Variants in FRMPD4 observed in about 807,000 individuals in gnomAD.
FRMPD4 encodes FERM and PDZ domain containing 4, also known as FERM and PDZ domain-containing protein 4.
In FRMPD4, 22 loss-of-function variants were observed where a neutral mutation model predicts 94.1. The ratio of observed to expected loss-of-function variants is 0.23; its 90% confidence interval spans 0.17 to 0.33. The LOEUF (loss-of-function observed/expected upper bound fraction) is 0.33. FRMPD4 is among the 10% of genes least tolerant of loss of function. The probability of loss-of-function intolerance (pLI) is 1.00; values close to 1 mark genes in which losing one functional copy is unlikely to be tolerated. For synonymous variants in FRMPD4, 631 were observed against 548.6 expected (o/e 1.15, Z -2.10); for missense variants, 1,111 against 1,339.9 (o/e 0.83, Z 2.67).
intron 1 of FRMPD4, among the ~76,000 whole-genome samples, chrX:11,851,515 C>T (rs1005735282): frequency 9.0e-6 from 1 of 111,415 alleles, no homozygotes; most frequent in Non-Finnish European, 1.9e-5. Context: ...AGAAACAGCA[C>T]CTTTACTAGG....
intron 3 of FRMPD4, among the ~76,000 whole-genome samples, chrX:12,051,744 T>A (rs2054820012): frequency 9.0e-6 from 1 of 110,530 alleles, no homozygotes; most frequent in Non-Finnish European, 1.9e-5. Flanking sequence ...CATCCATCCA[T>A]TCACCCTCCA....
At position 12,614,772 on chromosome X, in the gene FRMPD4, T is replaced by A. The variant is rs747150934; in HGVS notation, c.320-7T>A. 2.0e-6 allele frequency: 2 copies of A among 1,023,950 alleles called. No individual in the cohort carries two copies. Among genetic ancestry groups the A allele is most frequent in the African/African-American group, 1.8e-5 (1 of 54,105 alleles). The allele number at this position is 1,023,950 out of a possible 1,213,427, so 84.4% of individuals were successfully genotyped here. A position where few individuals can be genotyped will look rare whatever the true frequency, so the allele number is the denominator to read the frequency against. ...TCTCACCTGTGCTTCATTCTATTTG[T>A]CTCCAGGTGGCCCCTCTGAAGGCAA... On this transcript the variant is annotated splice_polypyrimidine_tract_variant and splice_region_variant and intron_variant, in intron 3 of 16. Coordinates refer to ENST00000675598, the MANE Select transcript of FRMPD4 (RefSeq NM_001368397.1).
intron 1 of FRMPD4, among the ~76,000 whole-genome samples, chrX:12,197,889 A>G (rs2056584470): frequency 8.9e-6 from 1 of 111,857 alleles, no homozygotes; most frequent in Non-Finnish European, 1.9e-5. Context: ...GTATTGAATA[A>G]CTTTTATAAA....
At chrX:12,156,400 C>T (rs185791614) in intron 1 of FRMPD4, among the ~76,000 whole-genome samples, 1 of 111,559 alleles carries the variant, frequency 9.0e-6, no homozygotes, top group Admixed American at 9.5e-5. Context: ...GGTTAGGCAA[C>T]CAAGAGCGCT....
chrX:12,318,659 G>A (rs1486786509), intron 1 of FRMPD4, among the ~76,000 whole-genome samples: 2 of 111,550 alleles, frequency 1.8e-5, no homozygotes, highest in Non-Finnish European at 3.8e-5. Context: ...GTTAGTTAGT[G>A]GATACAAAAA....
intron 4 of FRMPD4, among the ~76,000 whole-genome samples, chrX:12,673,183 G>A (rs2059861115): frequency 8.9e-6 from 1 of 111,924 alleles, no homozygotes; most frequent in Admixed American, 9.4e-5. Flanking sequence ...AGCCAGGCAG[G>A]GCAGATAGTT....
chrX:12,209,959 T>C (rs1299564726), intron 1 of FRMPD4, among the ~76,000 whole-genome samples: 5 of 111,851 alleles, frequency 4.5e-5, no homozygotes, highest in Non-Finnish European at 1.9e-5. Flanking sequence ...GTTGCTGTTG[T>C]AAAATATGAA....
intron 1 of FRMPD4, among the ~76,000 whole-genome samples, chrX:12,220,005 G>A (rs2147755771): frequency 8.9e-6 from 1 of 111,732 alleles, no homozygotes; most frequent in Non-Finnish European, 1.9e-5. Context: ...GCCTGGCGTG[G>A]TGGCACATGC....
At chrX:12,128,282 T>G (rs1356252052) in intron 3 of FRMPD4, among the ~76,000 whole-genome samples, 2 of 112,850 alleles carry the variant, frequency 1.8e-5, no homozygotes, top group Non-Finnish European at 3.8e-5. Context: ...AAACCTCAGT[T>G]TTTGACTTCT....
intron 3 of FRMPD4, among the ~76,000 whole-genome samples, chrX:11,927,802 A>G (rs1006462529): frequency 2.7e-5 from 3 of 112,344 alleles, no homozygotes; most frequent in Admixed American, 1.9e-4. Context: ...ACCCTGAAAG[A>G]CAACCTAGGC....
chrX:12,595,655 G>C (rs2059024457), intron 2 of FRMPD4, among the ~76,000 whole-genome samples: 1 of 112,041 alleles, frequency 8.9e-6, no homozygotes, highest in Non-Finnish European at 1.9e-5. Context: ...AATGTTCTTT[G>C]AGTTCTCTTA....
At chrX:12,195,372 C>T (rs1381695852) in intron 1 of FRMPD4, among the ~76,000 whole-genome samples, 3 of 111,674 alleles carry the variant, frequency 2.7e-5, no homozygotes, top group Non-Finnish European at 5.7e-5. Context: ...TACAGCTACA[C>T]GGCAAGGATA....
rs1354348241 is a variant in FRMPD4, at chrX:12,252,674, G to A, written c.41+113662G>A. On this transcript the variant is annotated intron_variant, in intron 1 of 16. Transcript: ENST00000675598. ...TCTACATATGATAACATTCATGTAT[G>A]TGTTAATTACTTCCAAATAAATTAA... Among the ~76,000 whole-genome samples, 3 of 111,886 alleles carry A rather than the reference G, an allele frequency of 2.7e-5. No homozygotes were observed. In the South Asian group the frequency reaches 1.1e-3, roughly 42 times the overall value.
At chrX:12,090,197 T>C (rs1411251308) in intron 3 of FRMPD4, among the ~76,000 whole-genome samples, 3 of 110,870 alleles carry the variant, frequency 2.7e-5, no homozygotes, top group African/African-American at 9.9e-5. Context: ...GGATTTCTCA[T>C]GAATGGTTTA....
intron 1 of FRMPD4, among the ~76,000 whole-genome samples, chrX:12,294,509 T>C (rs758111292): frequency 2.8e-5 from 2 of 70,339 alleles, no homozygotes; most frequent in South Asian, 1.3e-3. Context: ...GAGAGAGTTT[T>C]ATAATGGGTT....
chrX:12,170,476 G>A (rs73190560), intron 1 of FRMPD4, among the ~76,000 whole-genome samples: 5,941 of 111,080 alleles, frequency 0.053, 170 homozygotes, highest in South Asian at 0.093. Flanking sequence ...TTAATTGAGG[G>A]GAGAGAAGAA....
At chrX:12,479,344 G>GTA (rs1434442421) in intron 1 of FRMPD4, among the ~76,000 whole-genome samples, 11 of 11,416 alleles carry the variant, frequency 9.6e-4, no homozygotes, top group Middle Eastern at 0.045. Context: ...GCAACAGTCT[G>GTA]TATATATATA....
intron 1 of FRMPD4, among the ~76,000 whole-genome samples, chrX:12,459,770 G>A (rs988386246): frequency 2.7e-5 from 3 of 111,787 alleles, no homozygotes; most frequent in Admixed American, 1.9e-4. Context: ...CCATGTAGAA[G>A]TCTGTGTAGA....
At chrX:12,122,500 G>A (rs936876734) in intron 3 of FRMPD4, among the ~76,000 whole-genome samples, 1 of 111,634 alleles carries the variant, frequency 9.0e-6, no homozygotes, top group African/African-American at 3.3e-5. Context: ...ATATTTCATA[G>A]TCAAACCACT....
Sources: allele counts gnomAD v4.1 joint callset (sites outside exome capture counted in the v4.1 genomes callset), GRCh38; gene constraint gnomAD v4.1.1; transcripts MANE v1.5; gene names NCBI Gene and HGNC (gene_info 2026-07-23, HGNC 2026-07-21).